Variants in SPEN observed in about 807,000 individuals in gnomAD.
The protein encoded by SPEN is msx2-interacting protein.
Under a neutral mutation model 269.9 loss-of-function variants are expected in SPEN, and 18 were observed. The observed-to-expected ratio is 0.07, with a 90% CI of 0.05 to 0.10. The LOEUF (loss-of-function observed/expected upper bound fraction) is 0.10, where lower values mean the gene tolerates loss of function less well. Ranked by LOEUF, SPEN falls within the 10% of genes least tolerant of loss-of-function variation. The pLI is 1.00. For missense variants in SPEN, 3,822 were observed against 4,631.2 expected, an observed-to-expected ratio of 0.83 and a Z score of 5.07; for synonymous variants, 1,726 against 1,765.7, an observed-to-expected ratio of 0.98 and a Z score of 0.56.
rs1356248218 is a variant in SPEN at position 15,908,233 on chromosome 1, G to A, written c.882-1088G>A. Among the ~76,000 whole-genome samples, 3 of 151,874 alleles carry A rather than the reference G, an allele frequency of 2.0e-5. No homozygotes were observed. In the East Asian group the frequency reaches 5.8e-4, roughly 29 times the overall value. On this transcript the variant is annotated intron_variant, in intron 3 of 14. Transcript: ENST00000375759. The stretch of plus-strand genomic sequence containing the variant: ...GCTTCATTTATTTATTTATTTGTTT[G>A]TTTTGTTTGTTTTAAAGACAAGGCC...
chr1:15,938,067 TCCCTG>T, intron 13 of SPEN, 61 bp downstream of exon 13: 1 of 1,433,190 alleles, frequency 7.0e-7, no homozygotes, highest in East Asian at 2.3e-5. Flanking sequence ...ACGTAGGTAG[TCCCTG>T]CCAGCCCATC....
At position 15,926,382 on chromosome 1, in the gene SPEN, CAT is replaced by C. The variant is rs1553179244; in HGVS notation, c.1851-1707_1851-1706del. On this transcript the variant is annotated intron_variant, in intron 10 of 14. Coordinates refer to ENST00000375759, the MANE Select transcript of SPEN (RefSeq NM_015001.3). ...CACTGCACTCCAGCTCAGATATATA[CAT>C]ACACACACACACACACACACACACA... Among the ~76,000 whole-genome samples the C allele has an allele frequency of 7.7e-4, 107 of 139,586 alleles. 1 individual carries two copies. The highest frequency in any genetic ancestry group is 4.3e-3 in the East Asian group (22 of 5,066). The allele number at this position is 139,586 out of a possible 152,430, so 91.6% of individuals were successfully genotyped here.
chr1:15,936,948 C>T (rs967947192), intron 11 of SPEN, among the ~76,000 whole-genome samples: 3 of 152,080 alleles, frequency 2.0e-5, no homozygotes, highest in African/African-American at 7.2e-5. Context: ...GGAGCTCTTG[C>T]TGGGTAGCAT....
At chr1:15,898,519 A>G (rs2070863739) in intron 3 of SPEN, among the ~76,000 whole-genome samples, 1 of 148,838 alleles carries the variant, frequency 6.7e-6, no homozygotes, top group Non-Finnish European at 1.5e-5. Flanking sequence ...AGGTTCATTC[A>G]TGATGTAGCA....
At chr1:15,904,470 AAAAAAAAGT>A (rs1468461349) in intron 3 of SPEN, among the ~76,000 whole-genome samples, 2 of 149,732 alleles carry the variant, frequency 1.3e-5, no homozygotes, top group African/African-American at 2.4e-5. Context: ...AAAAAAAAAA[AAAAAAAAGT>A]GAACTAAAAA....
rs1320111661 is a variant in SPEN, at chr1:15,931,982, T to G, written c.5742T>G (p.His1914Gln). Reference sequence around the variant, plus strand: ...GCGTCTATGCAACCATGGGTGACCATGAAAACCGCTCTCCTGTCAAAGAGC... The same window carrying G: ...GCGTCTATGCAACCATGGGTGACCAGGAAAACCGCTCTCCTGTCAAAGAGC... ...VRSVYATMGD[H>Q]ENRSPVKEPV... Residue 1914 changes from histidine to glutamine, a missense_variant, in exon 11 of 15, where the codon CAT becomes CAG. Around this residue, in one of 16 missense-constraint regions of SPEN, gnomAD observed 533 missense variants for 618.8 expected, o/e 0.86. Transcript: ENST00000375759. The surrounding 1 kb of genome is among the most constrained non-coding windows in gnomAD (Gnocchi z 4.8). The G allele has an allele frequency of 6.2e-7, 1 of 1,614,156 alleles. No individual in the cohort carries two copies. The highest frequency in any genetic ancestry group is 8.5e-7 in the Non-Finnish European group (1 of 1,180,034).
At position 15,930,346 on chromosome 1, in the gene SPEN, C is replaced by T; in HGVS notation, c.4106C>T (p.Ser1369Phe). 6.2e-7 allele frequency: 1 copy of T among 1,613,858 alleles called. No homozygotes were observed. The highest frequency in any genetic ancestry group is 8.5e-7 in the Non-Finnish European group (1 of 1,179,776). The change falls in exon 11 of 15, where the codon TCT becomes TTT. Residue 1369 changes from serine to phenylalanine, a missense_variant. Transcript: ENST00000375759. The surrounding 1 kb of genome is among the most constrained non-coding windows in gnomAD (Gnocchi z 5.3). ...AAGAGAGATAGCCTTCGAAAAAGGT[C>T]TGTACGAGATCTGGAACCTGGTGAG... The part of the protein sequence containing the change: ...IIKRDSLRKR[S>F]VRDLEPGEVP...
chr1:15,915,373 C>A (rs1263020915), intron 5 of SPEN, among the ~76,000 whole-genome samples: 1 of 152,038 alleles, frequency 6.6e-6, no homozygotes, highest in Non-Finnish European at 1.5e-5. Context: ...CTGGTGGTCC[C>A]AGCTACTTAG....
chr1:15,928,654 A>G lies in SPEN; in HGVS notation c.2414A>G (p.Glu805Gly). The G allele has an allele frequency of 6.2e-7, 1 of 1,614,062 alleles. No homozygotes were observed. The highest frequency in any genetic ancestry group is 8.5e-7 in the Non-Finnish European group (1 of 1,180,022). The change falls in exon 11 of 15, where the codon GAG becomes GGG. Residue 805 changes from glutamate (E) to glycine (G), a missense_variant. Physicochemically the swap from Glu to Gly is moderately conservative, Grantham distance 98 (BLOSUM62 -2). Transcript: ENST00000375759. This position sits in a 1 kb window ranked among gnomAD's most constrained non-coding sequence, Gnocchi z 5.7. ...RTFDPERVER[E>G]RRLIRKEKVE... ...TTTGATCCGGAGAGAGTGGAGAGAG[A>G]GAGACGCTTAATACGGAAGGAAAAA... is the stretch of plus-strand genomic sequence containing the variant.
Position 15,922,233 on chromosome 1 carries a change from C to CTTT in SPEN, c.1750-7_1750-5dup. ...AATTTGAAACTTGCATCAAACACCT[C>CTTT]TTTTTTTTTTTAAAGGTGGATTTTG... On this transcript the variant is annotated splice_polypyrimidine_tract_variant and intron_variant, in intron 9 of 14. Coordinates refer to ENST00000375759, the MANE Select transcript of SPEN (RefSeq NM_015001.3). The CTTT allele has an allele frequency of 3.3e-6, 4 of 1,202,642 alleles. No homozygotes were observed. The Admixed American group carries it at 7.0e-5, about 21-fold the overall frequency. The allele number at this position is 1,202,642 out of a possible 1,614,324, so 74.5% of individuals were successfully genotyped here.
At position 15,847,959 on chromosome 1, in the gene SPEN, C is replaced by T; in HGVS notation, c.-109C>T. Reference sequence around the variant, plus strand: ...GCCGCCGCCGCTGCCGACGCCACCGCCGCAGCCGCCGCCGCCGCCGCCCCG... The same window carrying T: ...GCCGCCGCCGCTGCCGACGCCACCGTCGCAGCCGCCGCCGCCGCCGCCCCG... On this transcript the variant is annotated 5_prime_UTR_variant, in exon 1 of 15. Transcript: ENST00000375759. 1.8e-6 allele frequency: 1 copy of T among 566,080 alleles called. No homozygotes were observed. The highest frequency in any genetic ancestry group is 2.6e-6 in the Non-Finnish European group (1 of 385,046). 35.1% of individuals were successfully genotyped at this position (566,080 alleles called of 1,614,324 possible).
chr1:15,887,133 G>A (rs1243652549), intron 3 of SPEN, among the ~76,000 whole-genome samples: 2 of 151,794 alleles, frequency 1.3e-5, no homozygotes, highest in Non-Finnish European at 2.9e-5. Context: ...ACACCACCAC[G>A]CTGGGCTAAT....
At position 15,928,526 on chromosome 1, in the gene SPEN, G is replaced by T. The variant is rs199504317; in HGVS notation, c.2286G>T (p.Arg762=). Residue 762 remains arginine (R), a synonymous_variant, in exon 11 of 15, where the codon CGG becomes CGT. Transcript: ENST00000375759. The surrounding 1 kb of genome is among the most constrained non-coding windows in gnomAD (Gnocchi z 5.7). ...ERRLYSRSSD[R]SGSCSSLSPP... is the part of the protein sequence containing the mutation. The stretch of plus-strand genomic sequence containing the variant: ...GGCTTTACAGCCGATCCTCAGACCG[G>T]AGTGGAAGCTGTAGCTCACTCTCCC... The T allele has an allele frequency of 3.7e-6, 6 of 1,614,158 alleles. No homozygotes were observed. In the African/African-American group the frequency reaches 8.0e-5, roughly 22 times the overall value.
intron 3 of SPEN, among the ~76,000 whole-genome samples, chr1:15,884,526 C>A (rs1275605578): frequency 6.6e-6 from 1 of 151,950 alleles, no homozygotes; most frequent in Non-Finnish European, 1.5e-5. Flanking sequence ...GACAATGTAC[C>A]TTCCATTTCT....
At chr1:15,878,178 A>G (rs1248427515) in intron 3 of SPEN, among the ~76,000 whole-genome samples, 3 of 152,304 alleles carry the variant, frequency 2.0e-5, no homozygotes, top group East Asian at 1.9e-4. Context: ...TTAATCCCAC[A>G]TGTCCTGCTT....
At chr1:15,854,255 A>G (rs945535993) in intron 1 of SPEN, among the ~76,000 whole-genome samples, 3 of 152,142 alleles carry the variant, frequency 2.0e-5, no homozygotes, top group African/African-American at 7.2e-5. Flanking sequence ...GATTTGAAAT[A>G]AGTGCTGTTC....
intron 3 of SPEN, among the ~76,000 whole-genome samples, chr1:15,895,435 C>T (rs1257286404): frequency 6.6e-6 from 1 of 152,156 alleles, no homozygotes. Context: ...CCTTTTGTGT[C>T]TGGCTTATTT....
chr1:15,875,393 C>G (rs1173777378), intron 2 of SPEN, among the ~76,000 whole-genome samples: 1 of 152,080 alleles, frequency 6.6e-6, no homozygotes. Flanking sequence ...GAACATATTT[C>G]CTACAACCAT....
At position 15,933,884 on chromosome 1, in the gene SPEN, T is replaced by G; in HGVS notation, c.7644T>G (p.Ser2548Arg). ...LMDPKYVSAT[S>R]VTSTSVTTAI... Reference sequence around the variant, plus strand: ...ACCCCAAGTATGTGTCTGCCACAAGTGTCACTTCCACAAGTGTCACCACAG... The same window carrying G: ...ACCCCAAGTATGTGTCTGCCACAAGGGTCACTTCCACAAGTGTCACCACAG... Residue 2548 changes from serine to arginine, a missense_variant, in exon 11 of 15, where the codon AGT becomes AGG. Around this residue, in one of 16 missense-constraint regions of SPEN, gnomAD observed 727 missense variants for 737.9 expected, o/e 0.99. Transcript: ENST00000375759. The surrounding 1 kb of genome is among the most constrained non-coding windows in gnomAD (Gnocchi z 5.7). 6.2e-7 allele frequency: 1 copy of G among 1,613,936 alleles called. No homozygotes were observed. The highest frequency in any genetic ancestry group is 8.5e-7 in the Non-Finnish European group (1 of 1,180,026).
Sources: gnomAD v4.1 joint callset for allele counts (sites outside exome capture counted in the v4.1 genomes callset) on GRCh38, gnomAD v4.1.1 for gene constraint, gnomAD v4.1.1 regional missense constraint, Gnocchi (gnomAD v3.1) non-coding constraint, MANE v1.5 for transcripts, NCBI Gene and HGNC (gene_info 2026-07-23, HGNC 2026-07-21) for gene names.